The following ADRA1B variants were observed in gnomAD, a reference collection of about 807,000 sequenced individuals.
ADRA1B encodes adrenoceptor alpha 1B.
Under a neutral mutation model 17.9 loss-of-function variants are expected in ADRA1B, and 17 were observed. The observed-to-expected ratio is 0.95, with a 90% confidence interval of 0.65 to 1.42. The LOEUF (loss-of-function observed/expected upper bound fraction) is 1.42. Ranked by LOEUF, ADRA1B falls within the 40% of genes most tolerant of loss-of-function variation. ADRA1B has a pLI of 0.00. For missense variants in ADRA1B, 681 were observed against 722.1 expected, an observed-to-expected ratio of 0.94 and a Z score of 0.65; for synonymous variants, 366 against 327.6, an observed-to-expected ratio of 1.12 and a Z score of -1.27.
intron 1 of ADRA1B, among the ~76,000 whole-genome samples, chr5:159,932,800 G>A (rs979735399): frequency 4.6e-5 from 7 of 152,066 alleles, no homozygotes; most frequent in Admixed American, 3.9e-4. Context: ...GTATCTTGAA[G>A]GTCTTTCAAT....
intron 1 of ADRA1B, among the ~76,000 whole-genome samples, chr5:159,962,229 A>T (rs982356327): frequency 1.3e-5 from 2 of 152,088 alleles, no homozygotes; most frequent in African/African-American, 4.8e-5. Context: ...GAATAAAAAG[A>T]TTCCTCCATT....
chr5:159,962,179 C>A (rs1025759445), intron 1 of ADRA1B, among the ~76,000 whole-genome samples: 2 of 152,120 alleles, frequency 1.3e-5, no homozygotes, highest in South Asian at 2.1e-4. Context: ...GCCTGGGCAA[C>A]AGAGTGAGAC....
intron 1 of ADRA1B, among the ~76,000 whole-genome samples, chr5:159,892,623 T>C (rs1333561441): frequency 6.6e-6 from 1 of 152,218 alleles, no homozygotes; most frequent in South Asian, 2.1e-4. Flanking sequence ...CTGAGGATAA[T>C]GGCCTCCAGC....
intron 1 of ADRA1B, chr5:159,950,845 C>A: frequency 1.7e-6 from 1 of 600,328 alleles, no homozygotes; most frequent in Non-Finnish European, 3.1e-6. Context: ...AGAGATGACC[C>A]CTACCCACAG....
chr5:159,971,755 G>T, intron 1 of ADRA1B, 124 bp from the exon 2 acceptor site: 1 of 1,064,612 alleles, frequency 9.4e-7, no homozygotes, highest in Non-Finnish European at 1.2e-6. Context: ...ACCGGCTCGG[G>T]GAAAGGCCTG....
upstream of ADRA1B, chr5:159,916,233 T>G (rs1158313434): frequency 6.6e-6 from 1 of 151,952 alleles, no homozygotes; most frequent in Non-Finnish European, 1.5e-5. Context: ...GCGGGGAAAA[T>G]AACCCCAGCG....
intron 1 of ADRA1B, among the ~76,000 whole-genome samples, chr5:159,896,315 T>C (rs1306660468): frequency 6.6e-6 from 1 of 152,218 alleles, no homozygotes; most frequent in Non-Finnish European, 1.5e-5. Context: ...AAGATCAATT[T>C]AGATAAACTT....
At chr5:159,879,317 A>G (rs1174827100) in intron 1 of ADRA1B, among the ~76,000 whole-genome samples, 1 of 152,158 alleles carries the variant, frequency 6.6e-6, no homozygotes, top group Non-Finnish European at 1.5e-5. Flanking sequence ...CATGAACCAC[A>G]GCTCTGGAGT....
At chr5:159,910,745 C>A (rs756500542) in intron 1 of ADRA1B, among the ~76,000 whole-genome samples, 1 of 152,166 alleles carries the variant, frequency 6.6e-6, no homozygotes, top group Non-Finnish European at 1.5e-5. Context: ...TTTGCAGACT[C>A]TGAACTAGAT....
chr5:159,900,743 G>A (rs1451428248), intron 1 of ADRA1B, among the ~76,000 whole-genome samples: 3 of 152,242 alleles, frequency 2.0e-5, no homozygotes, highest in Admixed American at 6.5e-5. Context: ...AGGTTGGGGG[G>A]TGGGCAGCCC....
At chr5:159,961,320 A>G (rs1248093638) in intron 1 of ADRA1B, among the ~76,000 whole-genome samples, 3 of 152,156 alleles carry the variant, frequency 2.0e-5, no homozygotes. Flanking sequence ...TACCTTAATA[A>G]CTGGTTTTGG....
upstream of ADRA1B, among the ~76,000 whole-genome samples, chr5:159,915,532 A>G (rs1754280780): frequency 1.3e-5 from 2 of 152,180 alleles, no homozygotes; most frequent in South Asian, 2.1e-4. Context: ...CTGAATGTCC[A>G]ACATGGATAT....
intron 1 of ADRA1B, among the ~76,000 whole-genome samples, chr5:159,875,915 A>G (rs774812578): frequency 5.9e-5 from 9 of 152,136 alleles, no homozygotes; most frequent in Admixed American, 1.3e-4. Context: ...AGGGCCGGGC[A>G]TGGTGGCTCA....
At chr5:159,909,317 T>C (rs1391263471) in intron 1 of ADRA1B, among the ~76,000 whole-genome samples, 2 of 152,276 alleles carry the variant, frequency 1.3e-5, no homozygotes, top group South Asian at 2.1e-4. Context: ...CCTTCTGACA[T>C]CACTCCCTTG....
At chr5:159,880,152 A>G (rs1236777913) in intron 1 of ADRA1B, among the ~76,000 whole-genome samples, 2 of 152,244 alleles carry the variant, frequency 1.3e-5, no homozygotes, top group Admixed American at 6.5e-5. Context: ...GCACTACCCT[A>G]TGCTAAGTAA....
intron 1 of ADRA1B, among the ~76,000 whole-genome samples, chr5:159,895,694 C>T (rs1754034115): frequency 6.6e-6 from 1 of 152,238 alleles, no homozygotes; most frequent in Admixed American, 6.5e-5. Context: ...TCATTCCCAT[C>T]CTCCCTTTGG....
rs1755319095 is a variant in ADRA1B, at chr5:159,947,834, G to A, written c.950-24045G>A. The A allele has an allele frequency of 4.1e-6, 4 of 985,270 alleles. No individual in the cohort carries two copies. The South Asian group carries it at 1.4e-4, about 35-fold the overall frequency. 61.0% of individuals were successfully genotyped at this position (985,270 alleles called of 1,614,324 possible). On this transcript the variant is annotated intron_variant, in intron 1 of 1. Transcript: ENST00000306675. ...GCTACATTGCATCACCATATTATCC[G>A]TTATTGAGAAAGGAGCCAGCAATTA...
intron 1 of ADRA1B, among the ~76,000 whole-genome samples, chr5:159,921,156 G>A (rs1311569651): frequency 1.3e-5 from 2 of 152,128 alleles, no homozygotes; most frequent in Non-Finnish European, 2.9e-5. Flanking sequence ...GCAGAGCAGG[G>A]CCTCTTGTCT....
intron 1 of ADRA1B, among the ~76,000 whole-genome samples, chr5:159,908,684 C>T (rs530921870): frequency 2.8e-4 from 43 of 152,252 alleles, no homozygotes; most frequent in Admixed American, 1.4e-3. Context: ...GCAGTGCAAG[C>T]GATTAAGACA....
Sources: allele counts gnomAD v4.1 joint callset (sites outside exome capture counted in the v4.1 genomes callset), GRCh38; gene constraint gnomAD v4.1.1; transcripts MANE v1.5; gene names NCBI Gene and HGNC (gene_info 2026-07-23, HGNC 2026-07-21).